KCNT2: variants seen among roughly 807,000 people sequenced by gnomAD.
KCNT2 encodes the protein potassium channel subfamily T member 2.
In KCNT2, 67 loss-of-function variants were observed where a neutral mutation model predicts 153.8. The observed-to-expected ratio is 0.44, with a 90% CI of 0.36 to 0.53. The LOEUF (loss-of-function observed/expected upper bound fraction) is 0.53, where lower values mean the gene tolerates loss of function less well. Ranked by LOEUF, KCNT2 falls within the 20% of genes least tolerant of loss-of-function variation. The pLI is 0.00. For synonymous variants in KCNT2, 500 were observed against 458.8 expected, an observed-to-expected ratio of 1.09 and a Z score of -1.15; for missense variants, 975 against 1,354.8, an observed-to-expected ratio of 0.72 and a Z score of 4.40.
chr1:196,596,656 G>A (rs2149018070), intron 1 of KCNT2, among the ~76,000 whole-genome samples: 1 of 152,268 alleles, frequency 6.6e-6, no homozygotes, highest in South Asian at 2.1e-4. Context: ...AAGGCTGGCT[G>A]TATATGGCTA....
intron 15 of KCNT2, 104 bp from the exon 16 acceptor site, chr1:196,340,674 C>T: frequency 1.4e-6 from 1 of 695,172 alleles, no homozygotes; most frequent in Non-Finnish European, 2.3e-6. Flanking sequence ...TTGAAATGAT[C>T]CTAGAAGTTC....
chr1:196,349,857 C>T (rs1407807773), intron 14 of KCNT2, among the ~76,000 whole-genome samples: 2 of 151,982 alleles, frequency 1.3e-5, no homozygotes, highest in South Asian at 2.1e-4. Context: ...TCCCTCCCCC[C>T]TTCCCCCAGC....
intron 22 of KCNT2, among the ~76,000 whole-genome samples, chr1:196,304,380 A>T (rs752569364): frequency 2.4e-4 from 36 of 152,238 alleles, no homozygotes; most frequent in Admixed American, 4.6e-4. Context: ...TAGAAATGGG[A>T]TCTCACTATG....
chr1:196,457,627 T>C (rs1676790931), intron 8 of KCNT2, among the ~76,000 whole-genome samples: 1 of 151,494 alleles, frequency 6.6e-6, no homozygotes, highest in South Asian at 2.1e-4. Context: ...ATAAGGTAAA[T>C]GTATTAAGAA....
At position 196,326,833 on chromosome 1, in the gene KCNT2, T is replaced by A. The variant is rs566329093; in HGVS notation, c.2160A>T (p.Leu720=). 6.3e-7 allele frequency: 1 copy of A among 1,587,690 alleles called. No homozygotes were observed. Among genetic ancestry groups the A allele is most frequent in the East Asian group, 2.3e-5 (1 of 43,486 alleles). ...CAGCTGTTTCAGCTGCAACTATAAT[T>A]AGTTTATTTTTGAATCCATAGGCTT... ...DAKAYGFKNK[L]IIVAAETAGN... Residue 720 remains leucine (L), a synonymous_variant, in exon 19 of 28, where the codon CTA becomes CTT. Transcript: ENST00000294725.
chr1:196,304,456 G>T (rs1661448113), intron 22 of KCNT2, among the ~76,000 whole-genome samples: 1 of 152,026 alleles, frequency 6.6e-6, no homozygotes, highest in African/African-American at 2.4e-5. Context: ...TGGGCTCAAG[G>T]AATCCTCCTG....
intron 26 of KCNT2, among the ~76,000 whole-genome samples, chr1:196,238,235 T>TATC (rs1308127614): frequency 6.6e-6 from 1 of 151,948 alleles, no homozygotes; most frequent in African/African-American, 2.4e-5. Flanking sequence ...AGCCAAATTC[T>TATC]ATCGGTGACC....
intron 21 of KCNT2, among the ~76,000 whole-genome samples, chr1:196,312,410 A>AAATT (rs1434225186): frequency 6.6e-6 from 1 of 151,736 alleles, no homozygotes; most frequent in Non-Finnish European, 1.5e-5. Context: ...ATAAATAAAT[A>AAATT]AATTTAAAAA....
intron 1 of KCNT2, among the ~76,000 whole-genome samples, chr1:196,580,830 A>C (rs1461264373): frequency 6.6e-6 from 1 of 152,160 alleles, no homozygotes; most frequent in African/African-American, 2.4e-5. Context: ...AAAAACACTC[A>C]AAAGGCTTCA....
intron 22 of KCNT2, among the ~76,000 whole-genome samples, chr1:196,296,549 T>G (rs926927002): frequency 1.3e-5 from 2 of 152,046 alleles, no homozygotes. Flanking sequence ...ACTAATTATT[T>G]GAACATTTTC....
intron 1 of KCNT2, among the ~76,000 whole-genome samples, chr1:196,580,338 G>T (rs1274299753): frequency 1.3e-5 from 2 of 152,096 alleles, no homozygotes; most frequent in Non-Finnish European, 2.9e-5. Flanking sequence ...TTCAGTGGGA[G>T]GGGAGGGAGT....
rs16840075 is a variant in KCNT2 at position 196,535,378 on chromosome 1, A to G, written c.96-43037T>C. On this transcript the variant is annotated intron_variant, in intron 1 of 27. Transcript: ENST00000294725. ...GCAATATTCATTTAAAGATAGTATC[A>G]GTAACACATTGGAAATTGGAGAGCC... 5.8e-3 allele frequency among the ~76,000 whole-genome samples: 882 copies of G among 152,346 alleles called. 18 individuals are homozygous for G. Among genetic ancestry groups the G allele is most frequent in the East Asian group, 0.057 (295 of 5,188 alleles).
At chr1:196,390,888 T>G (rs1285834108) in intron 13 of KCNT2, among the ~76,000 whole-genome samples, 5 of 106,696 alleles carry the variant, frequency 4.7e-5, no homozygotes, top group Non-Finnish European at 1.0e-4. Context: ...ATCTCATTCA[T>G]TCTTTTTTTT....
At chr1:196,395,316 G>C (rs1362533151) in intron 13 of KCNT2, among the ~76,000 whole-genome samples, 1 of 151,576 alleles carries the variant, frequency 6.6e-6, no homozygotes, top group Non-Finnish European at 1.5e-5. Flanking sequence ...CTGAGAAAAT[G>C]TGTGTAAGCT....
intron 8 of KCNT2, among the ~76,000 whole-genome samples, chr1:196,442,060 T>C (rs1190028746): frequency 2.0e-5 from 3 of 151,804 alleles, no homozygotes; most frequent in Non-Finnish European, 4.4e-5. Flanking sequence ...AGAAAAATCA[T>C]CACTTTCGTC....
intron 24 of KCNT2, among the ~76,000 whole-genome samples, chr1:196,281,980 ACCTCATGATCCACCCG>A (rs910756382): frequency 7.9e-5 from 12 of 151,890 alleles, no homozygotes; most frequent in African/African-American, 2.9e-4. Context: ...CTAACTCCTG[ACCTCATGATCCACCCG>A]CCTCAGCCTC....
chr1:196,418,954 C>T (rs1041960899), intron 12 of KCNT2, among the ~76,000 whole-genome samples: 30 of 152,130 alleles, frequency 2.0e-4, no homozygotes, highest in African/African-American at 6.7e-4. Context: ...CTCCACTCCT[C>T]ACAATGGTCT....
chr1:196,245,839 C>T (rs1245981844), intron 26 of KCNT2, among the ~76,000 whole-genome samples: 2 of 151,970 alleles, frequency 1.3e-5, no homozygotes, highest in Non-Finnish European at 2.9e-5. Context: ...TGAAGCATGC[C>T]TACAGAATCT....
intron 1 of KCNT2, among the ~76,000 whole-genome samples, chr1:196,569,366 T>A (rs1660498417): frequency 1.3e-5 from 2 of 152,202 alleles, no homozygotes; most frequent in Non-Finnish European, 2.9e-5. Flanking sequence ...TGGCAGTGTC[T>A]GTTCCTATTT....
Sources: allele counts gnomAD v4.1 joint callset (sites outside exome capture counted in the v4.1 genomes callset), GRCh38; gene constraint gnomAD v4.1.1; transcripts MANE v1.5; gene names NCBI Gene and HGNC (gene_info 2026-07-23, HGNC 2026-07-21).